The following KNTC1 variants were observed in gnomAD, a reference collection of about 807,000 sequenced individuals.
KNTC1 encodes kinetochore associated 1.
Under a neutral mutation model 314.4 loss-of-function variants are expected in KNTC1, and 253 were observed. The observed-to-expected ratio is 0.80, with a 90% CI of 0.73 to 0.89. KNTC1 has a LOEUF of 0.89. Ranked by LOEUF, KNTC1 falls within the 40% of genes least tolerant of loss-of-function variation. KNTC1 has a pLI of 0.00. For synonymous variants in KNTC1, 901 were observed against 901.4 expected (o/e 1.00, Z 0.01); for missense variants, 2,475 against 2,572.9 (o/e 0.96, Z 0.82).
chr12:122,581,446 A>G (rs11058812), intron 33 of KNTC1, among the ~76,000 whole-genome samples: 30,380 of 150,888 alleles, frequency 0.2, 3,495 homozygotes, highest in East Asian at 0.46. Flanking sequence ...TGATCCGCCC[A>G]CCTCGGCCTC....
intron 16 of KNTC1, among the ~76,000 whole-genome samples, chr12:122,552,864 G>A (rs1266842249): frequency 6.6e-6 from 1 of 152,108 alleles, no homozygotes; most frequent in African/African-American, 2.4e-5. Context: ...GATAAGAGAG[G>A]AATATAGGCC....
chr12:122,553,157 A>AG (rs1273693409), intron 16 of KNTC1, among the ~76,000 whole-genome samples: 5 of 143,080 alleles, frequency 3.5e-5, no homozygotes, highest in East Asian at 3.9e-4. Flanking sequence ...ACTCTGTCTC[A>AG]GGGAAAAAAA....
chr12:122,551,768 A>C, intron 16 of KNTC1, 72 bp downstream of exon 16: 1 of 1,052,748 alleles, frequency 9.5e-7, no homozygotes, highest in Middle Eastern at 2.0e-4. Flanking sequence ...GAGGACAGAC[A>C]TGTAATATAT....
At chr12:122,599,706 A>G (rs1342170313) in intron 44 of KNTC1, among the ~76,000 whole-genome samples, 1 of 152,178 alleles carries the variant, frequency 6.6e-6, no homozygotes, top group African/African-American at 2.4e-5. Context: ...TTTGCTTGCA[A>G]TTCAGCCAAA....
chr12:122,594,743 G>C (rs1443810080), intron 43 of KNTC1, among the ~76,000 whole-genome samples: 1 of 152,214 alleles, frequency 6.6e-6, no homozygotes, highest in African/African-American at 2.4e-5. Context: ...AAAAGTTGGA[G>C]AATATTCTTC....
At chr12:122,614,321 T>C (rs1331211195) in intron 55 of KNTC1, among the ~76,000 whole-genome samples, 1 of 152,146 alleles carries the variant, frequency 6.6e-6, no homozygotes, top group Non-Finnish European at 1.5e-5. Context: ...TATCTGTCCT[T>C]ATCTGGACAG....
Position 122,613,101 on chromosome 12 carries a change from T to A in KNTC1, c.5623-11T>A, listed in dbSNP as rs1265409638. 1 of 1,520,680 alleles carries A rather than the reference T, an allele frequency of 6.6e-7. No homozygotes were observed. Among genetic ancestry groups the A allele is most frequent in the Non-Finnish European group, 9.1e-7 (1 of 1,098,508 alleles). 94.2% of individuals were successfully genotyped at this position (1,520,680 alleles called of 1,614,324 possible). On this transcript the variant is annotated splice_polypyrimidine_tract_variant and intron_variant, in intron 53 of 63. Transcript: ENST00000333479. The stretch of plus-strand genomic sequence containing the variant: ...GGTGTTCAACTCTCCAAACCTCTTT[T>A]GGTTTTTCAGACATTAGGTATGCAT...
At chr12:122,546,763 G>T in intron 10 of KNTC1, 89 bp downstream of exon 10, 2 of 778,874 alleles carry the variant, frequency 2.6e-6, no homozygotes, top group African/African-American at 3.5e-5. Flanking sequence ...TTTTAGCTAG[G>T]GTGGATAACT....
intron 42 of KNTC1, 118 bp from the exon 43 acceptor site, chr12:122,594,158 A>G (rs1016025542): frequency 9.4e-6 from 6 of 638,716 alleles, no homozygotes; most frequent in African/African-American, 3.7e-5. Flanking sequence ...GAGGAGCTAT[A>G]GACAAATGTT....
At chr12:122,618,772 G>A (rs888397803) in intron 59 of KNTC1, among the ~76,000 whole-genome samples, 4 of 151,208 alleles carry the variant, frequency 2.6e-5, no homozygotes, top group Non-Finnish European at 1.5e-5. Flanking sequence ...AGATTCAAGC[G>A]ATTCTCCTGC....
chr12:122,545,788 C>T (rs1232430663), intron 8 of KNTC1, among the ~76,000 whole-genome samples: 2 of 151,632 alleles, frequency 1.3e-5, no homozygotes. Flanking sequence ...CCTGTCTCTA[C>T]AACAAATAGT....
chr12:122,573,383 A>C, intron 26 of KNTC1, 98 bp downstream of exon 26: 4 of 1,089,798 alleles, frequency 3.7e-6, no homozygotes, highest in Non-Finnish European at 5.3e-6. Flanking sequence ...ATGCTTTCTC[A>C]GTAGGACTCA....
chr12:122,583,021 T>C lies in KNTC1; in HGVS notation c.3263+36T>C, dbSNP rs781003494. 9 of 1,564,848 alleles carry C rather than the reference T, an allele frequency of 5.8e-6. No homozygotes were observed. In the African/African-American group the frequency reaches 1.1e-4, roughly 19 times the overall value. On this transcript the variant is annotated intron_variant, in intron 34 of 63. Transcript: ENST00000333479. ...AGATCCCTGAATTGCATAGCTTCTC[T>C]GAAATTGCGGCTGGGCACGGTAACT...
rs1384323861 is a variant in KNTC1, at chr12:122,574,352, C to T, written c.2354C>T (p.Ala785Val). 8 of 1,609,000 alleles carry T rather than the reference C, an allele frequency of 5.0e-6. No individual in the cohort carries two copies. The Admixed American group carries it at 1.2e-4, about 24-fold the overall frequency. Residue 785 changes from alanine to valine, a missense_variant, in exon 27 of 64, where the codon GCA becomes GTA. Coordinates refer to ENST00000333479, the MANE Select transcript of KNTC1 (RefSeq NM_014708.6). ...FETAWEAKAM[A>V]VIACLSDTDL... The stretch of plus-strand genomic sequence containing the variant: ...ACAGCATGGGAAGCAAAGGCCATGG[C>T]AGTAATAGCGTGTTTATCTGACACG...
At chr12:122,603,589 T>C (rs1872230892) in intron 48 of KNTC1, among the ~76,000 whole-genome samples, 2 of 151,598 alleles carry the variant, frequency 1.3e-5, no homozygotes, top group Admixed American at 1.3e-4. Flanking sequence ...ACCTCCCGGG[T>C]TCAAGTGATT....
chr12:122,591,471 T>C lies in KNTC1; in HGVS notation c.4245+18T>C. 1 of 1,191,508 alleles carries C rather than the reference T, an allele frequency of 8.4e-7. No individual in the cohort carries two copies. Among genetic ancestry groups the C allele is most frequent in the East Asian group, 2.3e-5 (1 of 42,976 alleles). 73.8% of individuals were successfully genotyped at this position (1,191,508 alleles called of 1,614,324 possible). On this transcript the variant is annotated intron_variant, in intron 42 of 63. Coordinates refer to ENST00000333479, the MANE Select transcript of KNTC1 (RefSeq NM_014708.6). Reference sequence around the variant, plus strand: ...AACTTGGTGTGAGTATTCTTTGTACTGCTGTCATCGATTCTGTTAATTACC... The same window carrying C: ...AACTTGGTGTGAGTATTCTTTGTACCGCTGTCATCGATTCTGTTAATTACC...
intron 16 of KNTC1, among the ~76,000 whole-genome samples, chr12:122,556,917 C>CTT (rs35101646): frequency 0.11 from 9,737 of 88,148 alleles, 810 homozygotes; most frequent in African/African-American, 0.19. Flanking sequence ...AATTTTCCCT[C>CTT]TTTTTTTTTT....
intron 5 of KNTC1, 97 bp from the exon 6 acceptor site, chr12:122,541,953 T>C: frequency 8.1e-7 from 1 of 1,230,866 alleles, no homozygotes; most frequent in Non-Finnish European, 1.1e-6. Flanking sequence ...AGGCGGAGGT[T>C]GCAGGGAGCC....
At position 122,561,912 on chromosome 12, in the gene KNTC1, C is replaced by A; in HGVS notation, c.1489-9C>A. 1 of 1,558,032 alleles carries A rather than the reference C, an allele frequency of 6.4e-7. No individual in the cohort carries two copies. Among genetic ancestry groups the A allele is most frequent in the Non-Finnish European group, 8.8e-7 (1 of 1,135,124 alleles). ...TCTTCTAACTGTATTTCTTATTATT[C>A]TTACTTAGCTTTTGAAGAAAGAAGA... On this transcript the variant is annotated splice_polypyrimidine_tract_variant and intron_variant, in intron 18 of 63. Transcript: ENST00000333479.
Sources: gnomAD v4.1 joint callset for allele counts (sites outside exome capture counted in the v4.1 genomes callset) on GRCh38, gnomAD v4.1.1 for gene constraint, MANE v1.5 for transcripts, NCBI Gene and HGNC (gene_info 2026-07-23, HGNC 2026-07-21) for gene names.